Variants in BRAF observed in about 807,000 individuals in gnomAD.
The protein encoded by BRAF is B-Raf proto-oncogene, serine/threonine kinase, also known as serine/threonine-protein kinase B-raf.
A neutral mutation model predicts 104.6 loss-of-function variants in BRAF; 16 were observed. The ratio of observed to expected loss-of-function variants is 0.15; its 90% CI spans 0.10 to 0.23. The LOEUF (loss-of-function observed/expected upper bound fraction) is 0.23, where lower values mean the gene tolerates loss of function less well. Ranked by LOEUF, BRAF falls within the 10% of genes least tolerant of loss-of-function variation. The pLI, the probability that BRAF is intolerant of heterozygous loss-of-function variation, is 1.00. For missense variants in BRAF, 541 were observed against 937.3 expected (o/e 0.58, Z 5.52); for synonymous variants, 310 against 341.6 (o/e 0.91, Z 1.02).
At position 140,886,528 on chromosome 7, in the gene BRAF, A is replaced by G. The variant is rs111354360; in HGVS notation, c.139-36316T>C. 1.6e-3 allele frequency among the ~76,000 whole-genome samples: 241 copies of G among 152,266 alleles called. 3 individuals carry two copies. The South Asian group carries it at 0.027, about 17-fold the overall frequency. ...TTCTATGCCATACTCAATAAACTGAACCACAATTTCAGCAGCAGAGCAGAG... is the reference window on the plus strand; with the variant it reads ...TTCTATGCCATACTCAATAAACTGAGCCACAATTTCAGCAGCAGAGCAGAG... On this transcript the variant is annotated intron_variant, in intron 1 of 19. Transcript: ENST00000644969.
intron 17 of BRAF, chr7:140,741,226 A>G (rs1453805015): frequency 6.6e-6 from 1 of 152,240 alleles, no homozygotes; most frequent in Non-Finnish European, 1.5e-5. Flanking sequence ...TAATACTCAA[A>G]AAAGAATTCT....
chr7:140,726,470 G>A lies in BRAF; in HGVS notation c.*24C>T. ...TACGAACACAAGACTTAAGAAATAA[G>A]AGCAGATGCTGCCATGATGGTGGCT... is the stretch of plus-strand genomic sequence containing the variant. On this transcript the variant is annotated 3_prime_UTR_variant, in exon 20 of 20. Transcript: ENST00000644969. 6.5e-7 allele frequency: 1 copy of A among 1,536,352 alleles called. No homozygotes were observed. Among genetic ancestry groups the A allele is most frequent in the Non-Finnish European group, 8.7e-7 (1 of 1,146,958 alleles).
At chr7:140,853,272 G>A (rs563960488) in intron 1 of BRAF, among the ~76,000 whole-genome samples, 1 of 151,708 alleles carries the variant, frequency 6.6e-6, no homozygotes, top group Non-Finnish European at 1.5e-5. Context: ...TGTGGTCCCA[G>A]AGGCTGAGGT....
At chr7:140,857,416 T>G (rs1809916619) in intron 1 of BRAF, among the ~76,000 whole-genome samples, 1 of 152,184 alleles carries the variant, frequency 6.6e-6, no homozygotes, top group African/African-American at 2.4e-5. Flanking sequence ...ATTTCCGACC[T>G]CCAGAAATGT....
intron 14 of BRAF, among the ~76,000 whole-genome samples, chr7:140,760,397 A>G (rs1441187673): frequency 2.0e-5 from 3 of 147,038 alleles, no homozygotes; most frequent in Non-Finnish European, 3.0e-5. Flanking sequence ...TGAGGGACAG[A>G]GTGAGACTCT....
chr7:140,860,481 AG>A (rs60724156), intron 1 of BRAF, among the ~76,000 whole-genome samples: 2,315 of 102,970 alleles, frequency 0.022, 158 homozygotes, highest in African/African-American at 0.19. Flanking sequence ...AAAAAAAAAA[AG>A]AAAAAAAAGA....
downstream of BRAF, among the ~76,000 whole-genome samples, chr7:140,716,614 C>G (rs1332740731): frequency 6.6e-6 from 1 of 152,202 alleles, no homozygotes; most frequent in Non-Finnish European, 1.5e-5. Flanking sequence ...TTCCTCTCTT[C>G]CTGATGAGCA....
At chr7:140,782,598 A>G (rs190391755) in intron 11 of BRAF, among the ~76,000 whole-genome samples, 9 of 152,300 alleles carry the variant, frequency 5.9e-5, no homozygotes, top group African/African-American at 2.2e-4. Context: ...GTTCTGGGAT[A>G]CATGTGCAGA....
intron 1 of BRAF, among the ~76,000 whole-genome samples, chr7:140,911,467 G>A (rs997994478): frequency 1.3e-5 from 2 of 152,152 alleles, no homozygotes; most frequent in African/African-American, 4.8e-5. Flanking sequence ...ATACGATATA[G>A]TGAGTAAAAC....
At chr7:140,787,300 C>CAAAA (rs1199383417) in intron 9 of BRAF, among the ~76,000 whole-genome samples, 9 of 55,056 alleles carry the variant, frequency 1.6e-4, no homozygotes, top group Non-Finnish European at 3.4e-4. Context: ...GACTCCGTCT[C>CAAAA]AAAAAAAAAA....
chr7:140,912,432 A>G (rs1002851643), intron 1 of BRAF, among the ~76,000 whole-genome samples: 2 of 152,178 alleles, frequency 1.3e-5, no homozygotes, highest in African/African-American at 4.8e-5. Context: ...AATCCTTCCT[A>G]TTTATACACT....
chr7:140,896,049 G>A (rs1814852036), intron 1 of BRAF, among the ~76,000 whole-genome samples: 1 of 151,930 alleles, frequency 6.6e-6, no homozygotes, highest in South Asian at 2.1e-4. Context: ...ATCTTCACCA[G>A]CATTTTTAAT....
At chr7:140,857,157 A>G (rs561209009) in intron 1 of BRAF, among the ~76,000 whole-genome samples, 2 of 152,340 alleles carry the variant, frequency 1.3e-5, no homozygotes, top group South Asian at 4.1e-4. Flanking sequence ...AAGCATACTT[A>G]TAAGAGGGAA....
At position 140,734,776 on chromosome 7, in the gene BRAF, AAAAAAAAAAG is replaced by A. The variant is rs766844227; in HGVS notation, c.2248-16_2248-7del. The A allele has an allele frequency of 4.5e-4, 672 of 1,477,896 alleles. 1 individual carries two copies. The highest frequency in any genetic ancestry group is 9.6e-4 in the East Asian group (40 of 41,712). The allele number at this position is 1,477,896 out of a possible 1,614,324, so 91.5% of individuals were successfully genotyped here. On this transcript the variant is annotated splice_region_variant and splice_polypyrimidine_tract_variant and intron_variant, in intron 18 of 19. Transcript: ENST00000644969. ...AGCTCAATAGAGGCGAGAATCTACA[AAAAAAAAAAG>A]AAAAAAAAAAGAAAAAAAAAGAAAA...
At chr7:140,870,871 T>TA (rs369012646) in intron 1 of BRAF, among the ~76,000 whole-genome samples, 2,537 of 125,132 alleles carry the variant, frequency 0.02, 61 homozygotes, top group Admixed American at 0.065. Flanking sequence ...TTTTCTTACT[T>TA]AAAAAAAAAA....
Position 140,722,497 on chromosome 7 carries a change from C to A in BRAF, c.*3997G>T, listed in dbSNP as rs1233048159. 9.5e-7 allele frequency: 1 copy of A among 1,056,390 alleles called. No homozygotes were observed. 65.4% of individuals were successfully genotyped at this position (1,056,390 alleles called of 1,614,324 possible). A position where few individuals can be genotyped will look rare whatever the true frequency, so the allele number is the denominator to read the frequency against. On this transcript the variant is annotated 3_prime_UTR_variant, in exon 20 of 20. Coordinates refer to ENST00000644969, the MANE Select transcript of BRAF (RefSeq NM_001374258.1). ...GAGCCTCACCTACACCATTTCAACT[C>A]ATGACCTGTAAGCTATTTGCTGTTC...
intron 17 of BRAF, among the ~76,000 whole-genome samples, chr7:140,744,958 G>A (rs954409289): frequency 6.6e-6 from 1 of 151,978 alleles, no homozygotes; most frequent in African/African-American, 2.4e-5. Flanking sequence ...TTTTATTGCA[G>A]AGATGTAACT....
At chr7:140,893,064 T>A (rs1277467251) in intron 1 of BRAF, among the ~76,000 whole-genome samples, 2 of 152,134 alleles carry the variant, frequency 1.3e-5, no homozygotes, top group Non-Finnish European at 2.9e-5. Flanking sequence ...GGAGTCTTCA[T>A]CCTGACTGAA....
At chr7:140,823,624 T>C (rs1805707155) in intron 3 of BRAF, 1 of 152,224 alleles carries the variant, frequency 6.6e-6, no homozygotes, top group South Asian at 2.1e-4. Flanking sequence ...TGAACATGAG[T>C]GTACAAATAT....
Sources: gnomAD v4.1 joint callset for allele counts (sites outside exome capture counted in the v4.1 genomes callset) on GRCh38, gnomAD v4.1.1 for gene constraint, MANE v1.5 for transcripts, NCBI Gene and HGNC (gene_info 2026-07-23, HGNC 2026-07-21) for gene names.